UBE3B: variants seen among roughly 807,000 people sequenced by gnomAD.
UBE3B encodes ubiquitin protein ligase E3B, also known as ubiquitin-protein ligase E3B.
UBE3B carries 80 observed loss-of-function variants against 132.3 expected under a neutral mutation model. The ratio of observed to expected loss-of-function variants is 0.60; its 90% CI spans 0.50 to 0.73. The LOEUF (loss-of-function observed/expected upper bound fraction) is 0.73, where lower values mean the gene tolerates loss of function less well. Among genes scored for constraint, UBE3B ranks in the 30% least tolerant of loss-of-function variants. The pLI, the probability that UBE3B is intolerant of heterozygous loss-of-function variation, is 0.00. For synonymous variants in UBE3B, 487 were observed against 520.4 expected, an observed-to-expected ratio of 0.94 and a Z score of 0.87; for missense variants, 1,196 against 1,362.5, an observed-to-expected ratio of 0.88 and a Z score of 1.92.
chr12:109,498,023 C>G, intron 10 of UBE3B, 100 bp downstream of exon 10: 1 of 1,391,038 alleles, frequency 7.2e-7, no homozygotes, highest in South Asian at 1.2e-5. Context: ...ATTTCCACAC[C>G]TCCCTTTAAT....
chr12:109,539,722 T>C (rs901555480), downstream of UBE3B, among the ~76,000 whole-genome samples: 5 of 152,202 alleles, frequency 3.3e-5, no homozygotes, highest in Non-Finnish European at 7.3e-5. Context: ...TGAAACTCCT[T>C]GCAAGACGCT....
chr12:109,543,308 A>G, the UBE3B span, among the ~76,000 whole-genome samples: 2 of 152,316 alleles, frequency 1.3e-5, no homozygotes, highest in East Asian at 3.9e-4. Flanking sequence ...TAATCCACGG[A>G]CCTGTCACCA....
chr12:109,504,229 C>T (rs1879362969), intron 14 of UBE3B, among the ~76,000 whole-genome samples: 1 of 152,152 alleles, frequency 6.6e-6, no homozygotes, highest in Admixed American at 6.6e-5. Flanking sequence ...GTTTAGCAGC[C>T]CTGGTCCCTA....
intron 13 of UBE3B, among the ~76,000 whole-genome samples, chr12:109,501,821 A>ATT (rs3214386): frequency 6.8e-6 from 1 of 146,272 alleles, no homozygotes; most frequent in Non-Finnish European, 1.5e-5. Context: ...TGCCTGGCTA[A>ATT]TTTTTTTTTT....
At chr12:109,503,359 A>G (rs2035915468) in intron 14 of UBE3B, among the ~76,000 whole-genome samples, 169 bp downstream of exon 14, 1 of 152,150 alleles carries the variant, frequency 6.6e-6, no homozygotes, top group African/African-American at 2.4e-5. Flanking sequence ...TACATTGCTC[A>G]TGCTCACCTC....
chr12:109,527,191 A>T (rs1211008125), intron 24 of UBE3B, among the ~76,000 whole-genome samples: 1 of 152,080 alleles, frequency 6.6e-6, no homozygotes, highest in Middle Eastern at 3.2e-3. Context: ...AATTGGAGAG[A>T]CTCTGAGGCC....
chr12:109,506,447 C>A (rs1202332020), intron 14 of UBE3B, among the ~76,000 whole-genome samples: 1 of 152,348 alleles, frequency 6.6e-6, no homozygotes, highest in African/African-American at 2.4e-5. Context: ...CTCCCAGGTT[C>A]AAGCGATTCT....
At chr12:109,537,097 A>G (rs1403842963), downstream of UBE3B, among the ~76,000 whole-genome samples, 1 of 152,092 alleles carries the variant, frequency 6.6e-6, no homozygotes, top group African/African-American at 2.4e-5. Context: ...TGATCCGCCC[A>G]CCTTGGCTTC....
intron 14 of UBE3B, among the ~76,000 whole-genome samples, chr12:109,504,744 G>T (rs1305117045): frequency 6.6e-6 from 1 of 152,146 alleles, no homozygotes; most frequent in Non-Finnish European, 1.5e-5. Flanking sequence ...GGGTACCCCA[G>T]CGCCTGAGGG....
rs376517537 is a variant in UBE3B, at chr12:109,503,110, T to C, written c.1370T>C (p.Val457Ala). The change falls in exon 14 of 28, where the codon GTC becomes GCC. Residue 457 changes from valine (V) to alanine (A), a missense_variant. Physicochemically the swap from Val to Ala is moderately conservative, Grantham distance 64. Transcript: ENST00000342494. ...VGGKRVDSAE[V>A]QKVCNICVLY... The stretch of plus-strand genomic sequence containing the variant: ...GGTAAACGGGTCGACTCTGCAGAAG[T>C]CCAGAAGGTTTGCAACATCTGTGTC... 63 of 1,614,112 alleles carry C rather than the reference T, an allele frequency of 3.9e-5. No homozygotes were observed. Among genetic ancestry groups the C allele is most frequent in the Non-Finnish European group, 5.3e-5 (63 of 1,180,060 alleles).
In UBE3B at chr12:109,534,715, A is replaced by G. The variant is rs1260684502; in HGVS notation, c.3140A>G (p.Lys1047Arg). The change falls in exon 28 of 28, where the codon AAG becomes AGG. Residue 1047 changes from lysine to arginine, a missense_variant. By Grantham distance (26) the Lys-to-Arg change is conservative. Transcript: ENST00000342494. This position sits in a 1 kb window ranked among gnomAD's most constrained non-coding sequence, Gnocchi z 5.2. ...FNLLKLPNYS[K>R]KSVLREKLRY... ...CTGCTCAAGCTGCCCAACTACAGCAAGAAGAGCGTCCTCCGCGAGAAGCTG... is the reference window on the plus strand; with the variant it reads ...CTGCTCAAGCTGCCCAACTACAGCAGGAAGAGCGTCCTCCGCGAGAAGCTG... 1.2e-6 allele frequency: 2 copies of G among 1,607,484 alleles called. No homozygotes were observed. Among genetic ancestry groups the G allele is most frequent in the Admixed American group, 3.4e-5 (2 of 58,838 alleles).
Position 109,535,063 on chromosome 12 carries a change from T to A in UBE3B, c.*281T>A. 3.1e-6 allele frequency: 1 copy of A among 319,196 alleles called. No homozygotes were observed. The highest frequency in any genetic ancestry group is 5.7e-6 in the Non-Finnish European group (1 of 175,984). 19.8% of individuals were successfully genotyped at this position (319,196 alleles called of 1,614,324 possible). ...TCCTGGTGATGGCAGAGGGGCTTCT[T>A]TTAGCTAGTTTGATCTTTTGGGAGT... On this transcript the variant is annotated 3_prime_UTR_variant, in exon 28 of 28. Transcript: ENST00000342494.
At chr12:109,516,174 T>C (rs576878536) in intron 18 of UBE3B, among the ~76,000 whole-genome samples, 2 of 137,014 alleles carry the variant, frequency 1.5e-5, no homozygotes, top group African/African-American at 5.5e-5. Context: ...TTTCTTTTTT[T>C]TTTTTTTTTT....
intron 18 of UBE3B, among the ~76,000 whole-genome samples, chr12:109,516,186 T>TTTTTTTTTTTTTTTA: frequency 6.9e-6 from 1 of 144,810 alleles, no homozygotes; most frequent in Non-Finnish European, 1.5e-5. Flanking sequence ...TTTTTTTTTT[T>TTTTTTTTTTTTTTTA]TTTGAGACAG....
chr12:109,490,991 C>T, intron 8 of UBE3B, 54 bp from the exon 9 acceptor site: 1 of 1,577,504 alleles, frequency 6.3e-7, no homozygotes, highest in Non-Finnish European at 8.7e-7. Flanking sequence ...CTTTTATGTA[C>T]AAATGAATAT....
At chr12:109,489,000 G>T (rs1432299509) in intron 7 of UBE3B, among the ~76,000 whole-genome samples, 1 of 152,198 alleles carries the variant, frequency 6.6e-6, no homozygotes, top group Non-Finnish European at 1.5e-5. Flanking sequence ...TCATTAGGTT[G>T]TGAATAATTC....
chr12:109,514,820 C>T (rs946531510), intron 18 of UBE3B, among the ~76,000 whole-genome samples: 3 of 152,012 alleles, frequency 2.0e-5, no homozygotes, highest in Non-Finnish European at 2.9e-5. Flanking sequence ...ACTCAGAGCA[C>T]GTCAGTCCTG....
intron 12 of UBE3B, 22 bp downstream of exon 12, chr12:109,499,832 C>T (rs1242147824): frequency 6.5e-7 from 1 of 1,536,362 alleles, no homozygotes; most frequent in Non-Finnish European, 8.8e-7. Context: ...ATGCAAATCA[C>T]TGTCTTTCCT....
At chr12:109,499,940 A>T in intron 12 of UBE3B, 130 bp downstream of exon 12, 1 of 788,078 alleles carries the variant, frequency 1.3e-6, no homozygotes, top group Non-Finnish European at 1.7e-6. Context: ...TTATATATTA[A>T]TAAATTGTGA....
Sources: gnomAD v4.1 joint callset for allele counts (sites outside exome capture counted in the v4.1 genomes callset) on GRCh38, gnomAD v4.1.1 for gene constraint, Gnocchi (gnomAD v3.1) non-coding constraint, MANE v1.5 for transcripts, NCBI Gene and HGNC (gene_info 2026-07-23, HGNC 2026-07-21) for gene names.